Variants in NAB1 observed in about 807,000 individuals in gnomAD.
The protein encoded by NAB1 is NGFI-A binding protein 1, also known as NGFI-A-binding protein 1.
Under a neutral mutation model 49.9 loss-of-function variants are expected in NAB1, and 25 were observed. That is an observed-to-expected ratio of 0.50 (90% CI 0.37 to 0.70). NAB1 has a LOEUF of 0.70. Among genes scored for constraint, NAB1 ranks in the 30% least tolerant of loss-of-function variants. The probability of loss-of-function intolerance (pLI) is 0.00; values close to 1 mark genes in which losing one functional copy is unlikely to be tolerated. For missense variants in NAB1, 489 were observed against 575.9 expected, an observed-to-expected ratio of 0.85 and a Z score of 1.54; for synonymous variants, 198 against 215.6, an observed-to-expected ratio of 0.92 and a Z score of 0.71.
rs75518793 is a variant in NAB1 at position 190,688,290 on chromosome 2, G to A, written c.1375+973G>A. ...TTTACATCTGTTATCTAGATAGAATGAATTATGTATTTACTAGAAAAAAAG... is the reference window on the plus strand; with the variant it reads ...TTTACATCTGTTATCTAGATAGAATAAATTATGTATTTACTAGAAAAAAAG... On this transcript the variant is annotated intron_variant, in intron 9 of 9. Coordinates refer to ENST00000337386, the MANE Select transcript of NAB1 (RefSeq NM_005966.4). Among the ~76,000 whole-genome samples, 636 of 152,248 alleles carry A rather than the reference G, an allele frequency of 4.2e-3. 11 individuals carry two copies. In the East Asian group the frequency reaches 0.046, roughly 11 times the overall value.
intron 2 of NAB1, among the ~76,000 whole-genome samples, chr2:190,653,569 G>T (rs2125558732): frequency 6.6e-6 from 1 of 152,308 alleles, no homozygotes; most frequent in African/African-American, 2.4e-5. Context: ...GTGTTCATAT[G>T]TGTATTGCTA....
At chr2:190,673,618 T>C (rs891144104) in intron 6 of NAB1, among the ~76,000 whole-genome samples, 1 of 152,232 alleles carries the variant, frequency 6.6e-6, no homozygotes, top group African/African-American at 2.4e-5. Flanking sequence ...ATTCCTTTCA[T>C]AGTTGTATTT....
rs371954830 is a variant in NAB1 at position 190,659,729 on chromosome 2, A to C, written c.553A>C (p.Lys185Gln). 2.2e-5 allele frequency: 36 copies of C among 1,613,904 alleles called. No homozygotes were observed. The highest frequency in any genetic ancestry group is 3.1e-5 in the Non-Finnish European group (36 of 1,179,970). The change falls in exon 4 of 10, where the codon AAG (lysine) becomes CAG (glutamine). Residue 185 changes from lysine (K) to glutamine (Q), a missense_variant. Physicochemically the swap from Lys to Gln is moderately conservative, Grantham distance 53. This residue lies in a region of NAB1 where 204 missense variants were observed against 220.9 expected (regional missense o/e 0.92). Transcript: ENST00000337386. This position sits in a 1 kb window ranked among gnomAD's most constrained non-coding sequence, Gnocchi z 6.2. ...AGACCTGGGCTCCCCCGCGTCCCCA[A>C]AGGAGAGCAGTGAGGCGCTGGATGC... is the stretch of plus-strand genomic sequence containing the variant. ...PADLGSPASP[K>Q]ESSEALDAAA...
chr2:190,651,807 T>A lies in NAB1; in HGVS notation c.-197+1825T>A, dbSNP rs955104047. ...CTGTGTTTTGGATGGAAGTGACCAT[T>A]TTATAATATGTTTTGAACAGTTTAA... On this transcript the variant is annotated intron_variant, in intron 2 of 9. Transcript: ENST00000337386. This position sits in a 1 kb window ranked among gnomAD's most constrained non-coding sequence, Gnocchi z 4.3. Among the ~76,000 whole-genome samples, 3 of 152,234 alleles carry A rather than the reference T, an allele frequency of 2.0e-5. No homozygotes were observed. The highest frequency in any genetic ancestry group is 7.2e-5 in the African/African-American group (3 of 41,456).
rs181928688 is a variant in NAB1, at chr2:190,656,803, G to A, written c.-20+650G>A. On this transcript the variant is annotated intron_variant, in intron 3 of 9. Coordinates refer to ENST00000337386, the MANE Select transcript of NAB1 (RefSeq NM_005966.4). ...TGTCTAACATATATTTTTTCTTATT[G>A]CTCATAAAAAGATTTAAAAGTATTT... Among the ~76,000 whole-genome samples, 27 of 151,710 alleles carry A rather than the reference G, an allele frequency of 1.8e-4. 1 individual carries two copies. The highest frequency in any genetic ancestry group is 1.8e-3 in the Admixed American group (27 of 15,252).
rs753091137 is a variant in NAB1 at position 190,659,981 on chromosome 2, C to G, written c.805C>G (p.Leu269Val). ...CTCAAAGAGGAAGGATGGGAAACAT[C>G]TCACACTTCATGAGGTACAAAGCCC... is the stretch of plus-strand genomic sequence containing the variant. Reference protein sequence around the residue: ...FDSKRKDGKHLTLHELTVNEA... With the variant: ...FDSKRKDGKHVTLHELTVNEA... The change falls in exon 4 of 10, where the codon CTC (leucine) becomes GTC (valine). Residue 269 changes from leucine (L) to valine (V), a missense_variant. Coordinates refer to ENST00000337386, the MANE Select transcript of NAB1 (RefSeq NM_005966.4). This position sits in a 1 kb window ranked among gnomAD's most constrained non-coding sequence, Gnocchi z 6.2. 6.2e-7 allele frequency: 1 copy of G among 1,612,100 alleles called. No homozygotes were observed. The highest frequency in any genetic ancestry group is 1.3e-5 in the African/African-American group (1 of 75,030).
rs1176619408 is a variant in NAB1, at chr2:190,663,403, C to G, written c.819+3408C>G. Among the ~76,000 whole-genome samples, 3 of 152,190 alleles carry G rather than the reference C, an allele frequency of 2.0e-5. No homozygotes were observed. The highest frequency in any genetic ancestry group is 7.2e-5 in the African/African-American group (3 of 41,440). ...ATCTGCAAACTAGGGTCTGTGTGCCCAGTCTCACTCACCTCCTGTTTTTAT... is the reference window on the plus strand; with the variant it reads ...ATCTGCAAACTAGGGTCTGTGTGCCGAGTCTCACTCACCTCCTGTTTTTAT... On this transcript the variant is annotated intron_variant, in intron 4 of 9. Coordinates refer to ENST00000337386, the MANE Select transcript of NAB1 (RefSeq NM_005966.4). The surrounding 1 kb of genome is among the most constrained non-coding windows in gnomAD (Gnocchi z 4.2).
rs977990043 is a variant in NAB1, at chr2:190,674,072, G to C, written c.1005+920G>C. 6.6e-6 allele frequency among the ~76,000 whole-genome samples: 1 copy of C among 152,110 alleles called. No homozygotes were observed. Among genetic ancestry groups the C allele is most frequent in the African/African-American group, 2.4e-5 (1 of 41,410 alleles). Reference sequence around the variant, plus strand: ...AGTTATATCTACAGAGTATCTATATGGCAGTAATCCTTTATTCATATCAAA... The same window carrying C: ...AGTTATATCTACAGAGTATCTATATCGCAGTAATCCTTTATTCATATCAAA... On this transcript the variant is annotated intron_variant, in intron 6 of 9. Transcript: ENST00000337386. The surrounding 1 kb of genome is among the most constrained non-coding windows in gnomAD (Gnocchi z 5.7).
intron 6 of NAB1, 111 bp from the exon 7 acceptor site, chr2:190,683,627 A>G (rs1465353489): frequency 5.9e-6 from 4 of 683,024 alleles, no homozygotes; most frequent in Non-Finnish European, 9.8e-6. Flanking sequence ...TAAAATCTTA[A>G]TCATGATTAT....
Position 190,678,449 on chromosome 2 carries a change from G to A in NAB1, c.1006-5289G>A, listed in dbSNP as rs1695176597. Among the ~76,000 whole-genome samples the A allele has an allele frequency of 6.6e-6, 1 of 152,212 alleles. No individual in the cohort carries two copies. The highest frequency in any genetic ancestry group is 1.5e-5 in the Non-Finnish European group (1 of 68,032). On this transcript the variant is annotated intron_variant, in intron 6 of 9. Coordinates refer to ENST00000337386, the MANE Select transcript of NAB1 (RefSeq NM_005966.4). The surrounding 1 kb of genome is among the most constrained non-coding windows in gnomAD (Gnocchi z 4.9). ...CCTGGTGATGGCAGCTGACTAACTG[G>A]ACTGAGTGCTATTTCTCATTTGAGT...
chr2:190,649,072 G>GCGCTGC (rs1693498747), upstream of NAB1: 1 of 144,326 alleles, frequency 6.9e-6, no homozygotes, highest in Non-Finnish European at 1.5e-5. This position sits in a 1 kb window ranked among gnomAD's most constrained non-coding sequence, Gnocchi z 6.1. Flanking sequence ...GGCGGGGGAG[G>GCGCTGC]CGCTGCCGCC....
At position 190,670,366 on chromosome 2, in the gene NAB1, A is replaced by G. The variant is rs376970627; in HGVS notation, c.860A>G (p.Asp287Gly). Residue 287 changes from aspartate to glycine, a missense_variant, in exon 5 of 10, where the codon GAT (aspartate) becomes GGT (glycine). Transcript: ENST00000337386. This position sits in a 1 kb window ranked among gnomAD's most constrained non-coding sequence, Gnocchi z 5.3. ...GCGGCTGCTCAACTCTGTGTGAAGGATAATGCCCTGCTGACAAGAAGAGAT... is the reference window on the plus strand; with the variant it reads ...GCGGCTGCTCAACTCTGTGTGAAGGGTAATGCCCTGCTGACAAGAAGAGAT... ...NEAAAQLCVK[D>G]NALLTRRDEL... 4 of 1,613,928 alleles carry G rather than the reference A, an allele frequency of 2.5e-6. No individual in the cohort carries two copies. The highest frequency in any genetic ancestry group is 3.4e-6 in the Non-Finnish European group (4 of 1,179,940).
Position 190,690,341 on chromosome 2 carries a change from T to C in NAB1, c.*8T>C. ...CCTGAAGATTCAAGATAGCTGTGAT[T>C]TCTCTCACCGTTCTCTGGAAATGGC... is the stretch of plus-strand genomic sequence containing the variant. On this transcript the variant is annotated 3_prime_UTR_variant, in exon 10 of 10. Transcript: ENST00000337386. The C allele has an allele frequency of 6.3e-7, 1 of 1,589,880 alleles. No homozygotes were observed. Among genetic ancestry groups the C allele is most frequent in the Non-Finnish European group, 8.6e-7 (1 of 1,159,360 alleles).
Position 190,690,495 on chromosome 2 carries a change from T to C in NAB1, c.*162T>C, listed in dbSNP as rs1695899611. On this transcript the variant is annotated 3_prime_UTR_variant, in exon 10 of 10. Coordinates refer to ENST00000337386, the MANE Select transcript of NAB1 (RefSeq NM_005966.4). ...CGGTAGTCTGTGGAAACCAGGAAGA[T>C]AAAACAACAGCCACAAAAGAGAAAA... is the stretch of plus-strand genomic sequence containing the variant. 1.8e-6 allele frequency: 1 copy of C among 545,546 alleles called. No individual in the cohort carries two copies. Among genetic ancestry groups the C allele is most frequent in the Non-Finnish European group, 3.3e-6 (1 of 306,530 alleles). The allele number at this position is 545,546 out of a possible 1,614,324, so 33.8% of individuals were successfully genotyped here. A position where few individuals can be genotyped will look rare whatever the true frequency, so the allele number is the denominator to read the frequency against.
chr2:190,649,082 CGCCGCCGCCGCCCGCGCGCCGCA>C lies in NAB1; in HGVS notation c.-608_-586del, dbSNP rs1214298961. On this transcript the variant is annotated 5_prime_UTR_variant, in exon 1 of 10. Coordinates refer to ENST00000337386, the MANE Select transcript of NAB1 (RefSeq NM_005966.4). The surrounding 1 kb of genome is among the most constrained non-coding windows in gnomAD (Gnocchi z 6.1). ...GGCGCGGCGGGGGAGGCGCTGCCGC[CGCCGCCGCCGCCCGCGCGCCGCA>C]GCCTGGAGGAGCCGCCGCCGCCGCC... The C allele has an allele frequency of 2.8e-5, 4 of 143,390 alleles. No homozygotes were observed. Among genetic ancestry groups the C allele is most frequent in the African/African-American group, 7.5e-5 (3 of 39,820 alleles). The allele number at this position is 143,390 out of a possible 1,614,324, so 8.9% of individuals were successfully genotyped here.
chr2:190,667,113 C>G lies in NAB1; in HGVS notation c.820-3213C>G, dbSNP rs1392671848. On this transcript the variant is annotated intron_variant, in intron 4 of 9. Coordinates refer to ENST00000337386, the MANE Select transcript of NAB1 (RefSeq NM_005966.4). This position sits in a 1 kb window ranked among gnomAD's most constrained non-coding sequence, Gnocchi z 4.4. ...TTACTTCTCCAGCCTCAGTTTTTTACCAGGTTCCCTGAGGGCCTGGAGTTT... is the reference window on the plus strand; with the variant it reads ...TTACTTCTCCAGCCTCAGTTTTTTAGCAGGTTCCCTGAGGGCCTGGAGTTT... 1.3e-5 allele frequency among the ~76,000 whole-genome samples: 2 copies of G among 152,158 alleles called. No individual in the cohort carries two copies. The highest frequency in any genetic ancestry group is 2.9e-5 in the Non-Finnish European group (2 of 68,034).
In NAB1 at chr2:190,685,348, C is replaced by G. The variant is rs1695555038; in HGVS notation, c.1096-128C>G. The G allele has an allele frequency of 1.3e-6, 1 of 776,768 alleles. No individual in the cohort carries two copies. Among genetic ancestry groups the G allele is most frequent in the Non-Finnish European group, 2.0e-6 (1 of 499,378 alleles). 48.1% of individuals were successfully genotyped at this position (776,768 alleles called of 1,614,324 possible). A position where few individuals can be genotyped will look rare whatever the true frequency, so the allele number is the denominator to read the frequency against. On this transcript the variant is annotated intron_variant, in intron 7 of 9. Coordinates refer to ENST00000337386, the MANE Select transcript of NAB1 (RefSeq NM_005966.4). The surrounding 1 kb of genome is among the most constrained non-coding windows in gnomAD (Gnocchi z 4.5). ...ATGCATATTTATGGAATTTGTATACCACATGAAGTGTGAACTAATTTTAAT... is the reference window on the plus strand; with the variant it reads ...ATGCATATTTATGGAATTTGTATACGACATGAAGTGTGAACTAATTTTAAT...
chr2:190,671,235 T>A (rs1432008811), intron 5 of NAB1, among the ~76,000 whole-genome samples: 2 of 152,166 alleles, frequency 1.3e-5, no homozygotes, highest in Non-Finnish European at 2.9e-5. Context: ...CCAGCCCTAA[T>A]CAATCACATT....
Position 190,669,978 on chromosome 2 carries a change from T to C in NAB1, c.820-348T>C, listed in dbSNP as rs1244441945. 2.0e-5 allele frequency among the ~76,000 whole-genome samples: 3 copies of C among 152,176 alleles called. No homozygotes were observed. Among genetic ancestry groups the C allele is most frequent in the Non-Finnish European group, 4.4e-5 (3 of 68,024 alleles). ...TGGTTAGAGAAATGGTGTCAGCAAA[T>C]CCTGTATTCTAATATTTTGGGTTTT... On this transcript the variant is annotated intron_variant, in intron 4 of 9. Coordinates refer to ENST00000337386, the MANE Select transcript of NAB1 (RefSeq NM_005966.4). The surrounding 1 kb of genome is among the most constrained non-coding windows in gnomAD (Gnocchi z 4.3).
Sources: allele counts gnomAD v4.1 joint callset (sites outside exome capture counted in the v4.1 genomes callset), GRCh38; gene constraint gnomAD v4.1.1; regional missense constraint gnomAD v4.1.1; non-coding constraint Gnocchi (gnomAD v3.1); transcripts MANE v1.5; gene names NCBI Gene and HGNC (gene_info 2026-07-23, HGNC 2026-07-21).